EPHB2: variants seen among roughly 807,000 people sequenced by gnomAD.
EPHB2 encodes the protein EPH receptor B2.
A neutral mutation model predicts 96.4 loss-of-function variants in EPHB2; 18 were observed. That is an observed-to-expected ratio of 0.19 (90% CI 0.13 to 0.28). EPHB2 has a LOEUF of 0.28. EPHB2 is among the 10% of genes least tolerant of loss of function. The pLI is 1.00. For missense variants in EPHB2, 989 were observed against 1,355.4 expected (o/e 0.73, Z 4.25); for synonymous variants, 506 against 534.1 (o/e 0.95, Z 0.72).
chr1:22,771,412 A>ACATGGCAGGG (rs1317508605), intron 1 of EPHB2, among the ~76,000 whole-genome samples: 3 of 152,162 alleles, frequency 2.0e-5, no homozygotes, highest in Non-Finnish European at 2.9e-5. Flanking sequence ...AGGGAGAAGG[A>ACATGGCAGGG]ACAGCACCTC....
chr1:22,714,344 C>T (rs1197856343), intron 1 of EPHB2, among the ~76,000 whole-genome samples: 1 of 152,186 alleles, frequency 6.6e-6, no homozygotes, highest in Admixed American at 6.5e-5. Context: ...TCTTAGCCAC[C>T]TGTCATGCTA....
intron 9 of EPHB2, among the ~76,000 whole-genome samples, chr1:22,903,631 G>A (rs900378387): frequency 6.6e-6 from 1 of 152,220 alleles, no homozygotes; most frequent in South Asian, 2.1e-4. Context: ...GTGTGAAATG[G>A]GAATAATGGT....
intron 3 of EPHB2, among the ~76,000 whole-genome samples, chr1:22,823,641 T>C (rs1354427456): frequency 1.3e-5 from 2 of 152,244 alleles, no homozygotes; most frequent in South Asian, 4.1e-4. Context: ...ATAATAAATA[T>C]TAATTAAATG....
At chr1:22,730,174 G>A (rs1643675323) in intron 1 of EPHB2, among the ~76,000 whole-genome samples, 1 of 152,244 alleles carries the variant, frequency 6.6e-6, no homozygotes, top group Non-Finnish European at 1.5e-5. Flanking sequence ...GGTCCCACTG[G>A]TATTGTTCTC....
chr1:22,810,235 C>T (rs1196459967), intron 3 of EPHB2, among the ~76,000 whole-genome samples: 3 of 152,100 alleles, frequency 2.0e-5, no homozygotes, highest in African/African-American at 7.2e-5. Flanking sequence ...CTGCCACTGC[C>T]AACATGATCC....
intron 1 of EPHB2, 62 bp downstream of exon 1, chr1:22,711,105 C>A (rs1643125183): frequency 6.8e-6 from 1 of 145,986 alleles, no homozygotes; most frequent in East Asian, 2.0e-4. Context: ...CGGGCGGCCG[C>A]CGGCGCCCAC....
At chr1:22,878,094 G>A (rs1638903612) in intron 5 of EPHB2, among the ~76,000 whole-genome samples, 1 of 152,236 alleles carries the variant, frequency 6.6e-6, no homozygotes, top group South Asian at 2.1e-4. Flanking sequence ...CCCAGAGGGT[G>A]ATGTGAACAG....
rs142464595 is a variant in EPHB2 at position 22,910,516 on chromosome 1, G to T, written c.2637G>T (p.Thr879=). The part of the protein sequence containing the change: ...HRPKFGQIVN[T]LDKMIRNPNS... ...CCAAGTTCGGCCAAATTGTCAACAC[G>T]CTAGACAAGATGATCCGCAATCCCA... The change falls in exon 14 of 16, where the codon ACG becomes ACT. Residue 879 remains threonine (T), a synonymous_variant. Transcript: ENST00000374630. 23 of 1,613,170 alleles carry T rather than the reference G, an allele frequency of 1.4e-5. No individual in the cohort carries two copies. In the African/African-American group the frequency reaches 2.7e-4, roughly 19 times the overall value.
At chr1:22,807,950 A>G (rs1006309420) in intron 3 of EPHB2, among the ~76,000 whole-genome samples, 8 of 152,168 alleles carry the variant, frequency 5.3e-5, no homozygotes, top group Non-Finnish European at 7.3e-5. Context: ...CCTGGCCAAC[A>G]TGGTGAAACC....
Position 22,906,481 on chromosome 1 carries a change from A to G in EPHB2, c.1889-229A>G, listed in dbSNP as rs562144477. ...TGCACCCTCACCCCCATGCCCAGCC[A>G]GGGATAACCAGAGAACAACCATGAG... On this transcript the variant is annotated intron_variant, in intron 10 of 15. Transcript: ENST00000374630. This position sits in a 1 kb window ranked among gnomAD's most constrained non-coding sequence, Gnocchi z 4.8. 6.6e-6 allele frequency among the ~76,000 whole-genome samples: 1 copy of G among 152,286 alleles called. No individual in the cohort carries two copies. The highest frequency in any genetic ancestry group is 2.1e-4 in the South Asian group (1 of 4,820).
At chr1:22,730,726 G>A (rs1326566011) in intron 1 of EPHB2, among the ~76,000 whole-genome samples, 3 of 152,070 alleles carry the variant, frequency 2.0e-5, no homozygotes, top group Non-Finnish European at 4.4e-5. Context: ...TGGCTGGAGC[G>A]GGAGGGCCAG....
rs139867813 is a variant in EPHB2, at chr1:22,768,851, C to G, written c.62-12570C>G. On this transcript the variant is annotated intron_variant, in intron 1 of 15. Coordinates refer to ENST00000374630, the MANE Select transcript of EPHB2 (RefSeq NM_017449.5). ...TGCCCGAGACACCTTTTCCCCTTCT[C>G]CTGGTGCTTCCTCTTTCCCTCCTCC... Among the ~76,000 whole-genome samples, 267 of 152,230 alleles carry G rather than the reference C, an allele frequency of 1.8e-3. 4 individuals carry two copies. Among genetic ancestry groups the G allele is most frequent in the African/African-American group, 6.3e-3 (262 of 41,522 alleles).
intron 1 of EPHB2, among the ~76,000 whole-genome samples, chr1:22,750,523 C>G (rs567109724): frequency 5.0e-4 from 76 of 152,266 alleles, no homozygotes; most frequent in African/African-American, 1.7e-3. Flanking sequence ...GAAAGTTCCC[C>G]TTCCCTTCTC....
Position 22,875,599 on chromosome 1 carries a change from C to T in EPHB2, c.1304-6760C>T, listed in dbSNP as rs1468916043. On this transcript the variant is annotated intron_variant, in intron 5 of 15. Coordinates refer to ENST00000374630, the MANE Select transcript of EPHB2 (RefSeq NM_017449.5). This position sits in a 1 kb window ranked among gnomAD's most constrained non-coding sequence, Gnocchi z 4.2. ...GAGAATCTGTCTGGTCCCCGCTTTTCCCTTTCTCCCTTCCTTCCTCCTTCC... is the reference window on the plus strand; with the variant it reads ...GAGAATCTGTCTGGTCCCCGCTTTTTCCTTTCTCCCTTCCTTCCTCCTTCC... 6.6e-6 allele frequency among the ~76,000 whole-genome samples: 1 copy of T among 152,168 alleles called. No individual in the cohort carries two copies. The highest frequency in any genetic ancestry group is 1.5e-5 in the Non-Finnish European group (1 of 68,030).
At chr1:22,761,338 G>T (rs182144554) in intron 1 of EPHB2, among the ~76,000 whole-genome samples, 3 of 152,272 alleles carry the variant, frequency 2.0e-5, no homozygotes, top group Non-Finnish European at 4.4e-5. Flanking sequence ...GAGGGATCGT[G>T]GGGGGAGATA....
intron 2 of EPHB2, among the ~76,000 whole-genome samples, chr1:22,782,652 C>T (rs2148421452): frequency 6.6e-6 from 1 of 152,302 alleles, no homozygotes; most frequent in East Asian, 1.9e-4. Context: ...GCTGCAGGGC[C>T]TCCGCATGTT....
chr1:22,802,987 G>A (rs1644867365), intron 3 of EPHB2, among the ~76,000 whole-genome samples: 2 of 152,128 alleles, frequency 1.3e-5, no homozygotes, highest in South Asian at 4.1e-4. Flanking sequence ...GACCCACTGG[G>A]GAGACTAGGA....
At chr1:22,791,864 G>A (rs562596990) in intron 3 of EPHB2, among the ~76,000 whole-genome samples, 15 of 152,240 alleles carry the variant, frequency 9.9e-5, no homozygotes, top group South Asian at 4.1e-4. Flanking sequence ...ATTTCTAGGC[G>A]TGGAATTGTA....
At chr1:22,814,500 C>CCA (rs1436041600) in intron 3 of EPHB2, among the ~76,000 whole-genome samples, 12 of 152,050 alleles carry the variant, frequency 7.9e-5, no homozygotes, top group African/African-American at 2.7e-4. Flanking sequence ...AAACAGACAC[C>CCA]CACTAAGCAC....
Sources: gnomAD v4.1 joint callset for allele counts (sites outside exome capture counted in the v4.1 genomes callset) on GRCh38, gnomAD v4.1.1 for gene constraint, Gnocchi (gnomAD v3.1) non-coding constraint, MANE v1.5 for transcripts, NCBI Gene and HGNC (gene_info 2026-07-23, HGNC 2026-07-21) for gene names.